DNMT3A: variants seen among roughly 807,000 people sequenced by gnomAD.
The protein encoded by DNMT3A is DNA (cytosine-5)-methyltransferase 3A.
In DNMT3A, 267 loss-of-function variants were observed where a neutral mutation model predicts 117.6. The observed-to-expected ratio is 2.27, with a 90% confidence interval of 2.05 to 2.51. The LOEUF (loss-of-function observed/expected upper bound fraction) is 2.51, where lower values mean the gene tolerates loss of function less well. Ranked by LOEUF, DNMT3A falls within the 30% of genes most tolerant of loss-of-function variation. The pLI is 0.00. For missense variants in DNMT3A, 1,029 were observed against 1,260.2 expected (o/e 0.82, Z 2.78); for synonymous variants, 432 against 474.8 (o/e 0.91, Z 1.17).
chr2:25,299,183 A>C (rs2033275834), intron 3 of DNMT3A, among the ~76,000 whole-genome samples: 1 of 152,206 alleles, frequency 6.6e-6, no homozygotes, highest in Non-Finnish European at 1.5e-5. Flanking sequence ...TCCACATCTG[A>C]GTTTAAGACA....
rs953953843 is a variant in DNMT3A, at chr2:25,254,324, GC to G, written c.640-6073del. Among the ~76,000 whole-genome samples, 4 of 151,762 alleles carry G rather than the reference GC, an allele frequency of 2.6e-5. No individual in the cohort carries two copies. The highest frequency in any genetic ancestry group is 9.7e-5 in the African/African-American group (4 of 41,288). On this transcript the variant is annotated intron_variant, in intron 6 of 22. Transcript: ENST00000321117. This position sits in a 1 kb window ranked among gnomAD's most constrained non-coding sequence, Gnocchi z 4.7. Reference sequence around the variant, plus strand: ...AAGTCACGAGATGTGCAGTGAGGGAGCCCCCCCTCCCCCTGAGGGCCATCAG... The same window carrying G: ...AAGTCACGAGATGTGCAGTGAGGGAGCCCCCCTCCCCCTGAGGGCCATCAG...
rs1267102051 is a variant in DNMT3A at position 25,245,299 on chromosome 2, G to GTAAC, written c.1504_1507dup (p.Thr503SerfsTer44). The GTAAC allele has an allele frequency of 6.2e-7, 1 of 1,613,848 alleles. No homozygotes were observed. Among genetic ancestry groups the GTAAC allele is most frequent in the Non-Finnish European group, 8.5e-7 (1 of 1,179,986 alleles). On this transcript the variant is annotated frameshift_variant, in exon 13 of 23. Transcript: ENST00000321117. LOFTEE classifies it high-confidence loss of function. ...TCCAACGAAGAGGGGGTGTTCCAGG[G>GTAAC]TAACATTGAGGCTCCCACAGGAGAT...
At position 25,337,362 on chromosome 2, in the gene DNMT3A, A is replaced by G. The variant is rs1188264663; in HGVS notation, c.-178+4464T>C. Among the ~76,000 whole-genome samples the G allele has an allele frequency of 6.6e-6, 1 of 152,184 alleles. No individual in the cohort carries two copies. The highest frequency in any genetic ancestry group is 2.4e-5 in the African/African-American group (1 of 41,432). ...CTAGTCCACGTGAGCCACCCAAATGATGAAAACAGACACAGCTAACAGGAG... is the reference window on the plus strand; with the variant it reads ...CTAGTCCACGTGAGCCACCCAAATGGTGAAAACAGACACAGCTAACAGGAG... On this transcript the variant is annotated intron_variant, in intron 1 of 22. Coordinates refer to ENST00000321117, the MANE Select transcript of DNMT3A (RefSeq NM_022552.5). The surrounding 1 kb of genome is among the most constrained non-coding windows in gnomAD (Gnocchi z 5.0).
At chr2:25,253,162 T>C (rs1675801601) in intron 6 of DNMT3A, among the ~76,000 whole-genome samples, 1 of 151,944 alleles carries the variant, frequency 6.6e-6, no homozygotes, top group Non-Finnish European at 1.5e-5. Context: ...GGCCTCCAGG[T>C]GCAGCCTCCG....
At position 25,308,555 on chromosome 2, in the gene DNMT3A, C is replaced by G. The variant is rs977784777; in HGVS notation, c.72+5358G>C. Among the ~76,000 whole-genome samples, 4 of 152,122 alleles carry G rather than the reference C, an allele frequency of 2.6e-5. No homozygotes were observed. In the East Asian group the frequency reaches 7.7e-4, roughly 29 times the overall value. On this transcript the variant is annotated intron_variant, in intron 2 of 22. Coordinates refer to ENST00000321117, the MANE Select transcript of DNMT3A (RefSeq NM_022552.5). Reference sequence around the variant, plus strand: ...ACAAACCTGCTAAGCACGCCCAACCCTCTCCTAACTCCCCCGAGATCAGAG... The same window carrying G: ...ACAAACCTGCTAAGCACGCCCAACCGTCTCCTAACTCCCCCGAGATCAGAG...
Position 25,314,737 on chromosome 2 carries a change from AGGCCAC to A in DNMT3A, c.-177-582_-177-577del, listed in dbSNP as rs199757845. 769 of 984,630 alleles carry A rather than the reference AGGCCAC, an allele frequency of 7.8e-4. 8 individuals carry two copies. The African/African-American group carries it at 0.012, about 15-fold the overall frequency. 61.0% of individuals were successfully genotyped at this position (984,630 alleles called of 1,614,324 possible). A position where few individuals can be genotyped will look rare whatever the true frequency, so the allele number is the denominator to read the frequency against. ...TGGTTGGCTCTGGCCTAGGAGGGAG[AGGCCAC>A]GGCCACGGCCAAGGCCACAGGCCAC... On this transcript the variant is annotated intron_variant, in intron 1 of 22. Coordinates refer to ENST00000321117, the MANE Select transcript of DNMT3A (RefSeq NM_022552.5).
intron 6 of DNMT3A, among the ~76,000 whole-genome samples, chr2:25,267,730 A>G (rs967458824): frequency 2.0e-5 from 3 of 152,252 alleles, no homozygotes; most frequent in Admixed American, 6.5e-5. Flanking sequence ...TGTTGTCCAC[A>G]CAACTCTGAG....
chr2:25,244,212 T>TC lies in DNMT3A; in HGVS notation c.1793dup (p.Glu599ArgfsTer13). The TC allele has an allele frequency of 6.2e-7, 1 of 1,613,882 alleles. No individual in the cohort carries two copies. Among genetic ancestry groups the TC allele is most frequent in the Non-Finnish European group, 8.5e-7 (1 of 1,180,020 alleles). ...TCTGGAGCCGGGAGGGCCAGTCCTC[T>TC]CGCCGCCGCAGCAGCCCGTAGGTAC... On this transcript the variant is annotated frameshift_variant, in exon 15 of 23. Transcript: ENST00000321117. LOFTEE classifies it high-confidence loss of function.
At chr2:25,267,149 C>G (rs986802359) in intron 6 of DNMT3A, among the ~76,000 whole-genome samples, 2 of 152,130 alleles carry the variant, frequency 1.3e-5, no homozygotes, top group Admixed American at 6.5e-5. Flanking sequence ...CAGTGTGGTT[C>G]CATTTGTGTA....
intron 16 of DNMT3A, among the ~76,000 whole-genome samples, chr2:25,243,636 G>A (rs543765354): frequency 2.6e-5 from 4 of 152,146 alleles, no homozygotes; most frequent in African/African-American, 4.8e-5. Context: ...ATGATCACTC[G>A]GCCTCTGTGG....
chr2:25,312,970 G>A (rs1017581605), intron 2 of DNMT3A, among the ~76,000 whole-genome samples: 4 of 152,072 alleles, frequency 2.6e-5, no homozygotes, highest in African/African-American at 9.7e-5. Flanking sequence ...CTCAGGGGAA[G>A]GGGAGCAGGC....
At chr2:25,334,210 G>A (rs1271324377) in intron 1 of DNMT3A, among the ~76,000 whole-genome samples, 1 of 152,224 alleles carries the variant, frequency 6.6e-6, no homozygotes, top group African/African-American at 2.4e-5. Context: ...GGTAAGTGCT[G>A]TTGCTAAGCA....
chr2:25,239,088 G>A (rs1454256793), intron 20 of DNMT3A, 42 bp downstream of exon 20: 1 of 1,592,912 alleles, frequency 6.3e-7, no homozygotes, highest in African/African-American at 1.3e-5. Flanking sequence ...CCCACCTGCA[G>A]TCCCAGCCCA....
At chr2:25,280,936 C>A (rs1006408310) in intron 4 of DNMT3A, among the ~76,000 whole-genome samples, 1 of 152,120 alleles carries the variant, frequency 6.6e-6, no homozygotes, top group African/African-American at 2.4e-5. Context: ...GGTAGCAGCT[C>A]GGCAGGAGTC....
In DNMT3A at chr2:25,233,784, AAAAAAAC is replaced by A. The variant is rs1295770767; in HGVS notation, c.*488_*494del. Reference sequence around the variant, plus strand: ...TATAGTAAAAAAAAAAACCCAAAAAAAAAAAACAAAAAACAAAAAAAAAAACAACCCA... The same window carrying A: ...TATAGTAAAAAAAAAAACCCAAAAAAAAAAAACAAAAAAAAAAACAACCCA... On this transcript the variant is annotated 3_prime_UTR_variant, in exon 23 of 23. Coordinates refer to ENST00000321117, the MANE Select transcript of DNMT3A (RefSeq NM_022552.5). 9.4e-6 allele frequency: 2 copies of A among 213,652 alleles called. No individual in the cohort carries two copies. Among genetic ancestry groups the A allele is most frequent in the African/African-American group, 4.7e-5 (2 of 42,884 alleles). 13.2% of individuals were successfully genotyped at this position (213,652 alleles called of 1,614,324 possible).
At chr2:25,309,377 G>A (rs2033959066) in intron 2 of DNMT3A, among the ~76,000 whole-genome samples, 1 of 152,258 alleles carries the variant, frequency 6.6e-6, no homozygotes, top group Non-Finnish European at 1.5e-5. Flanking sequence ...CTGCATGTCT[G>A]CAGCAGTGCC....
chr2:25,319,946 T>A (rs2149436295), intron 1 of DNMT3A, among the ~76,000 whole-genome samples: 1 of 152,244 alleles, frequency 6.6e-6, no homozygotes, highest in East Asian at 1.9e-4. Context: ...ATTTTTGCAT[T>A]TTTAGTAGAG....
Position 25,240,420 on chromosome 2 carries a change from TAGAACTCAAAGAAGAGCCGGCC to T in DNMT3A, c.2182_2203del (p.Gly728ThrfsTer44). The T allele has an allele frequency of 6.2e-7, 1 of 1,612,074 alleles. No homozygotes were observed. Among genetic ancestry groups the T allele is most frequent in the Non-Finnish European group, 8.5e-7 (1 of 1,179,102 alleles). ...GGGCCGCGCATCATGCAGGAGGCGG[TAGAACTCAAAGAAGAGCCGGCC>T]AGTGCCCTCTGAGAGGTCGGAAGAG... is the stretch of plus-strand genomic sequence containing the variant. On this transcript the variant is annotated frameshift_variant, in exon 19 of 23. Transcript: ENST00000321117. LOFTEE classifies it high-confidence loss of function.
At position 25,327,661 on chromosome 2, in the gene DNMT3A, C is replaced by T. The variant is rs990172109; in HGVS notation, c.-177-13500G>A. On this transcript the variant is annotated intron_variant, in intron 1 of 22. Transcript: ENST00000321117. This position sits in a 1 kb window ranked among gnomAD's most constrained non-coding sequence, Gnocchi z 4.1. Reference sequence around the variant, plus strand: ...TTCAGCTTCTCTCTAAATGCTCTTCCTCTAAGACACCTGGGCATAAGTTAA... The same window carrying T: ...TTCAGCTTCTCTCTAAATGCTCTTCTTCTAAGACACCTGGGCATAAGTTAA... Among the ~76,000 whole-genome samples the T allele has an allele frequency of 2.6e-5, 4 of 152,212 alleles. No homozygotes were observed. Among genetic ancestry groups the T allele is most frequent in the African/African-American group, 7.2e-5 (3 of 41,450 alleles).
Sources: allele counts gnomAD v4.1 joint callset (sites outside exome capture counted in the v4.1 genomes callset), GRCh38; gene constraint gnomAD v4.1.1; non-coding constraint Gnocchi (gnomAD v3.1); transcripts MANE v1.5; gene names NCBI Gene and HGNC (gene_info 2026-07-23, HGNC 2026-07-21).